STX18: variants seen among roughly 807,000 people sequenced by gnomAD.
STX18 encodes syntaxin-18.
A neutral mutation model predicts 50.1 loss-of-function variants in STX18; 40 were observed. The observed-to-expected ratio is 0.80, with a 90% CI of 0.62 to 1.04. The LOEUF is 1.04. Ranked by LOEUF, STX18 falls within the 50% of genes least tolerant of loss-of-function variation. The probability of loss-of-function intolerance (pLI) is 0.00; values close to 1 mark genes in which losing one functional copy is unlikely to be tolerated. For missense variants in STX18, 410 were observed against 415.8 expected, an observed-to-expected ratio of 0.99 and a Z score of 0.12; for synonymous variants, 158 against 151.8, an observed-to-expected ratio of 1.04 and a Z score of -0.30.
intron 1 of STX18, among the ~76,000 whole-genome samples, chr4:4,472,223 GA>G: frequency 6.6e-6 from 1 of 152,276 alleles, no homozygotes; most frequent in East Asian, 1.9e-4. Context: ...CATGGATGAA[GA>G]AAAAGAACTC....
intron 5 of STX18, among the ~76,000 whole-genome samples, chr4:4,443,517 C>G (rs188891827): frequency 2.6e-3 from 396 of 152,296 alleles, no homozygotes; most frequent in Non-Finnish European, 4.4e-3. Context: ...ATCTGAACAA[C>G]AGAGGAAGAG....
intron 1 of STX18, among the ~76,000 whole-genome samples, chr4:4,503,987 G>GT (rs71169647): frequency 0.038 from 5,817 of 152,162 alleles, 132 homozygotes; most frequent in Middle Eastern, 0.048. Flanking sequence ...CGGTTACTCA[G>GT]TTTTTTTCAA....
intron 1 of STX18, among the ~76,000 whole-genome samples, chr4:4,518,497 A>C (rs1730379308): frequency 6.6e-6 from 1 of 152,236 alleles, no homozygotes; most frequent in South Asian, 2.1e-4. Context: ...CTAAGGGAGG[A>C]AAGTTTCTCT....
rs1250718459 is a variant in STX18, at chr4:4,519,696, T to TA, written c.168+22100dup. 4.6e-5 allele frequency among the ~76,000 whole-genome samples: 7 copies of TA among 152,332 alleles called. No homozygotes were observed. In the East Asian group the frequency reaches 1.3e-3, roughly 29 times the overall value. Reference sequence around the variant, plus strand: ...CGACTAGTTCAAATGGTGTAGTTGTTAAATCATCATCTACTCTGGAAAACT... The same window carrying TA: ...CGACTAGTTCAAATGGTGTAGTTGTTAAAATCATCATCTACTCTGGAAAACT... On this transcript the variant is annotated intron_variant, in intron 1 of 10. Transcript: ENST00000306200.
chr4:4,478,546 G>A (rs1053269049), intron 1 of STX18: 3 of 152,246 alleles, frequency 2.0e-5, no homozygotes, highest in Non-Finnish European at 4.4e-5. Context: ...ATAGGGTAGA[G>A]GGCAGAGGAA....
chr4:4,486,898 T>C (rs1169079968), intron 1 of STX18, among the ~76,000 whole-genome samples: 1 of 152,222 alleles, frequency 6.6e-6, no homozygotes, highest in Non-Finnish European at 1.5e-5. Flanking sequence ...TCCAGTGGCC[T>C]TACACAGAGT....
chr4:4,493,748 C>G (rs1729047921), intron 1 of STX18, among the ~76,000 whole-genome samples: 1 of 152,128 alleles, frequency 6.6e-6, no homozygotes, highest in South Asian at 2.1e-4. Context: ...AAGCATAATG[C>G]TGTTTTGAAG....
At chr4:4,517,189 T>G (rs1181155296) in intron 1 of STX18, among the ~76,000 whole-genome samples, 1 of 152,212 alleles carries the variant, frequency 6.6e-6, no homozygotes, top group African/African-American at 2.4e-5. Context: ...CGTCAGTACA[T>G]TCTTCCCCTG....
At chr4:4,496,813 CA>C (rs1729196955) in intron 1 of STX18, among the ~76,000 whole-genome samples, 1 of 152,164 alleles carries the variant, frequency 6.6e-6, no homozygotes, top group African/African-American at 2.4e-5. Context: ...GACTAAAATT[CA>C]GTAAGCTTTA....
At chr4:4,504,801 A>G (rs1182414619) in intron 1 of STX18, among the ~76,000 whole-genome samples, 2 of 152,186 alleles carry the variant, frequency 1.3e-5, no homozygotes, top group African/African-American at 4.8e-5. Context: ...TACTAAAAAT[A>G]CCAAGTGTTG....
chr4:4,451,375 A>AT (rs1361107849), intron 5 of STX18, among the ~76,000 whole-genome samples: 1 of 152,202 alleles, frequency 6.6e-6, no homozygotes, highest in Non-Finnish European at 1.5e-5. Context: ...GACAAAAGTA[A>AT]TTGTTTCAGA....
chr4:4,459,026 C>T (rs1056255514), intron 3 of STX18, among the ~76,000 whole-genome samples: 2 of 151,734 alleles, frequency 1.3e-5, no homozygotes, highest in South Asian at 2.1e-4. Flanking sequence ...TACACACCCA[C>T]ACACATACAA....
chr4:4,459,528 A>C (rs1355273276), intron 2 of STX18, 41 bp from the exon 3 acceptor site: 2 of 1,400,792 alleles, frequency 1.4e-6, no homozygotes, highest in Non-Finnish European at 2.0e-6. Context: ...AGCAAATGAG[A>C]ACATAATATA....
At chr4:4,523,653 G>C (rs895018497) in intron 1 of STX18, among the ~76,000 whole-genome samples, 1 of 152,008 alleles carries the variant, frequency 6.6e-6, no homozygotes. Context: ...CTATAGTAAC[G>C]AGCTGAGTTC....
At chr4:4,486,527 A>G (rs1728706807) in intron 1 of STX18, among the ~76,000 whole-genome samples, 1 of 152,244 alleles carries the variant, frequency 6.6e-6, no homozygotes, top group Admixed American at 6.5e-5. Flanking sequence ...AAGAATTGTA[A>G]GGGCTTTTTA....
At chr4:4,436,206 T>C (rs1362511495) in intron 6 of STX18, among the ~76,000 whole-genome samples, 1 of 152,178 alleles carries the variant, frequency 6.6e-6, no homozygotes, top group Non-Finnish European at 1.5e-5. Context: ...TTATTAGAAA[T>C]ATATCTTTAC....
intron 1 of STX18, among the ~76,000 whole-genome samples, chr4:4,504,053 C>T (rs1158900777): frequency 1.3e-5 from 2 of 152,110 alleles, no homozygotes; most frequent in East Asian, 3.9e-4. Flanking sequence ...ACTTACACAT[C>T]TGGTAGGGAG....
chr4:4,428,131 A>C (rs1011503733), intron 7 of STX18, among the ~76,000 whole-genome samples: 9 of 152,250 alleles, frequency 5.9e-5, no homozygotes, highest in African/African-American at 2.2e-4. Context: ...CTAAATGGCA[A>C]ACCTGTGTGC....
intron 1 of STX18, among the ~76,000 whole-genome samples, chr4:4,524,838 G>T (rs561776592): frequency 1.3e-5 from 2 of 152,332 alleles, no homozygotes; most frequent in Non-Finnish European, 2.9e-5. Flanking sequence ...TTCTGATAAA[G>T]CAAGTTAGTG....
Sources: allele counts gnomAD v4.1 joint callset (sites outside exome capture counted in the v4.1 genomes callset), GRCh38; gene constraint gnomAD v4.1.1; transcripts MANE v1.5; gene names NCBI Gene and HGNC (gene_info 2026-07-23, HGNC 2026-07-21).